Variants in PCDH15 observed in about 807,000 individuals in gnomAD.
PCDH15 encodes the protein protocadherin-15.
PCDH15 carries 129 observed loss-of-function variants against 178.5 expected under a neutral mutation model. The observed-to-expected ratio is 0.72, with a 90% CI of 0.63 to 0.84. The LOEUF is 0.84. PCDH15 is among the 40% of genes least tolerant of loss of function. The pLI is 0.00. For synonymous variants in PCDH15, 800 were observed against 732.0 expected (o/e 1.09, Z -1.50); for missense variants, 2,230 against 2,099.9 (o/e 1.06, Z -1.21).
At chr10:54,036,839 T>C (rs1263503230) in intron 18 of PCDH15, among the ~76,000 whole-genome samples, 2 of 151,978 alleles carry the variant, frequency 1.3e-5, no homozygotes, top group South Asian at 2.1e-4. Flanking sequence ...AAAAATCTTA[T>C]GGAAATGATT....
At chr10:54,793,377 G>A (rs1315052748) in intron 1 of PCDH15, among the ~76,000 whole-genome samples, 1 of 151,656 alleles carries the variant, frequency 6.6e-6, no homozygotes, top group Non-Finnish European at 1.5e-5. Flanking sequence ...GTATAAGTCT[G>A]GGTCTTAAAA....
At chr10:55,150,260 A>G (rs183190410) in intron 2 of PCDH15, among the ~76,000 whole-genome samples, 1 of 152,192 alleles carries the variant, frequency 6.6e-6, no homozygotes, top group Non-Finnish European at 1.5e-5. Context: ...AAAACAAAAC[A>G]TGTTTTAATG....
Position 55,202,351 on chromosome 10 carries a change from C to T in PCDH15, c.-155-35700G>A, listed in dbSNP as rs184438112. 1.6e-3 allele frequency among the ~76,000 whole-genome samples: 247 copies of T among 152,148 alleles called. 8 individuals are homozygous for T. Among genetic ancestry groups the T allele is most frequent in the African/African-American group, 4.7e-3 (194 of 41,450 alleles). On this transcript the variant is annotated intron_variant, in intron 1 of 5. Transcript: ENST00000458638. Reference sequence around the variant, plus strand: ...GACATGCTTTTCTCCCTTCCATCACCCATGGCAGATATAGCTAATTTTAAA... The same window carrying T: ...GACATGCTTTTCTCCCTTCCATCACTCATGGCAGATATAGCTAATTTTAAA...
rs569836724 is a variant in PCDH15 at position 55,081,333 on chromosome 10, A to G, written c.-80+85243T>C. Among the ~76,000 whole-genome samples, 41 of 152,272 alleles carry G rather than the reference A, an allele frequency of 2.7e-4. 1 individual carries two copies. In the South Asian group the frequency reaches 7.7e-3, roughly 29 times the overall value. ...TGTCCCTAGTCAGCCAGCTTGAAAC[A>G]ATCTCCTCTTGTCTCTTCTTATAGA... On this transcript the variant is annotated intron_variant, in intron 2 of 5. Coordinates refer to the PCDH15 transcript ENST00000458638.
intron 1 of PCDH15, among the ~76,000 whole-genome samples, chr10:54,799,541 G>A (rs574026582): frequency 6.6e-6 from 1 of 152,150 alleles, no homozygotes; most frequent in East Asian, 1.9e-4. Context: ...TGACACTTAG[G>A]TAGCACAAAC....
At chr10:54,945,293 T>C (rs944416494) in intron 2 of PCDH15, among the ~76,000 whole-genome samples, 1 of 151,418 alleles carries the variant, frequency 6.6e-6, no homozygotes, top group African/African-American at 2.4e-5. Flanking sequence ...TCTTAGAATC[T>C]TAAGAGATAG....
At chr10:55,390,037 A>C (rs1837755016) in intron 2 of PCDH15, among the ~76,000 whole-genome samples, 1 of 152,154 alleles carries the variant, frequency 6.6e-6, no homozygotes, top group African/African-American at 2.4e-5. Flanking sequence ...ATGTTATTAC[A>C]GGCACAACTC....
At chr10:54,590,872 C>G (rs572255628) in intron 2 of PCDH15, among the ~76,000 whole-genome samples, 1 of 151,746 alleles carries the variant, frequency 6.6e-6, no homozygotes, top group African/African-American at 2.4e-5. Flanking sequence ...AAAAAAAAAC[C>G]GAGACACAAA....
At chr10:54,989,934 A>C (rs1839460366) in intron 2 of PCDH15, among the ~76,000 whole-genome samples, 1 of 152,080 alleles carries the variant, frequency 6.6e-6, no homozygotes, top group African/African-American at 2.4e-5. Flanking sequence ...CTCATGATGG[A>C]GGATAAGTCT....
chr10:55,605,276 T>A (rs1441671050), intron 2 of PCDH15, among the ~76,000 whole-genome samples: 1 of 151,442 alleles, frequency 6.6e-6, no homozygotes, highest in African/African-American at 2.4e-5. Context: ...CCAAAAAGAG[T>A]CCAGGACCAG....
At chr10:55,574,021 TG>T (rs1315781955) in intron 2 of PCDH15, among the ~76,000 whole-genome samples, 1 of 152,024 alleles carries the variant, frequency 6.6e-6, no homozygotes, top group African/African-American at 2.4e-5. Context: ...AATTTATTCT[TG>T]GTTTTATTGT....
intron 2 of PCDH15, among the ~76,000 whole-genome samples, chr10:55,153,952 TGGC>T (rs1435486622): frequency 6.6e-6 from 1 of 152,168 alleles, no homozygotes; most frequent in Non-Finnish European, 1.5e-5. Context: ...ATTTACAAAT[TGGC>T]TTTCTCATTA....
At chr10:54,662,010 A>G (rs1348842866) in intron 2 of PCDH15, among the ~76,000 whole-genome samples, 2 of 152,016 alleles carry the variant, frequency 1.3e-5, no homozygotes, top group Admixed American at 1.3e-4. Flanking sequence ...ATTTATAAAT[A>G]ATACCTCAAA....
At chr10:54,175,000 T>A (rs757392597) in intron 13 of PCDH15, among the ~76,000 whole-genome samples, 1 of 152,080 alleles carries the variant, frequency 6.6e-6, no homozygotes, top group Non-Finnish European at 1.5e-5. Context: ...AGAAATGGAG[T>A]GGTCTTTAGA....
At chr10:54,605,136 T>G (rs1045139920) in intron 2 of PCDH15, among the ~76,000 whole-genome samples, 1 of 151,930 alleles carries the variant, frequency 6.6e-6, no homozygotes, top group Non-Finnish European at 1.5e-5. Flanking sequence ...ATTTAATACT[T>G]TTTTAAATTT....
chr10:54,799,090 CA>C (rs1564503010), intron 1 of PCDH15, among the ~76,000 whole-genome samples: 1 of 152,066 alleles, frequency 6.6e-6, no homozygotes, highest in Non-Finnish European at 1.5e-5. Context: ...ATTAATTCCT[CA>C]ACATGTATTT....
chr10:55,132,150 G>T (rs917044935), intron 2 of PCDH15, among the ~76,000 whole-genome samples: 5 of 152,170 alleles, frequency 3.3e-5, no homozygotes, highest in Admixed American at 2.6e-4. Context: ...GATGCAGCCT[G>T]TGTCTTCACA....
chr10:55,610,886 A>G (rs74438453), intron 2 of PCDH15, among the ~76,000 whole-genome samples: 39 of 152,070 alleles, frequency 2.6e-4, no homozygotes, highest in Admixed American at 2.6e-3. Context: ...CCTAAACTCA[A>G]TATGATGTTT....
At chr10:54,330,815 G>T (rs1939362703) in intron 6 of PCDH15, among the ~76,000 whole-genome samples, 1 of 151,882 alleles carries the variant, frequency 6.6e-6, no homozygotes, top group Non-Finnish European at 1.5e-5. Context: ...CCATTTTAAA[G>T]AATGATAAAA....
Sources: gnomAD v4.1 joint callset for allele counts (sites outside exome capture counted in the v4.1 genomes callset) on GRCh38, gnomAD v4.1.1 for gene constraint, MANE v1.5 for transcripts, NCBI Gene and HGNC (gene_info 2026-07-23, HGNC 2026-07-21) for gene names.